ADAMTS17: variants seen among roughly 807,000 people sequenced by gnomAD.
The protein encoded by ADAMTS17 is ADAM metallopeptidase with thrombospondin type 1 motif 17, also known as A disintegrin and metalloproteinase with thrombospondin motifs 17.
ADAMTS17 carries 113 observed loss-of-function variants against 141.5 expected under a neutral mutation model. The ratio of observed to expected loss-of-function variants is 0.80; its 90% CI spans 0.69 to 0.93. The LOEUF (loss-of-function observed/expected upper bound fraction) is 0.93. ADAMTS17 is among the 40% of genes least tolerant of loss of function. The probability of loss-of-function intolerance (pLI) is 0.00; values close to 1 mark genes in which losing one functional copy is unlikely to be tolerated. For missense variants in ADAMTS17, 1,659 were observed against 1,517.9 expected, an observed-to-expected ratio of 1.09 and a Z score of -1.54; for synonymous variants, 768 against 630.6, an observed-to-expected ratio of 1.22 and a Z score of -3.27.
intron 14 of ADAMTS17, among the ~76,000 whole-genome samples, chr15:100,098,046 T>C (rs1315937041): frequency 1.3e-5 from 2 of 152,136 alleles, no homozygotes; most frequent in Non-Finnish European, 2.9e-5. Context: ...GAATAAAAGA[T>C]CAAACTTGTT....
intron 7 of ADAMTS17, among the ~76,000 whole-genome samples, chr15:100,220,138 G>C (rs567018008): frequency 4.6e-5 from 7 of 152,148 alleles, no homozygotes; most frequent in African/African-American, 7.2e-5. Context: ...GCATGAACCT[G>C]AAAGTCTGGC....
intron 7 of ADAMTS17, among the ~76,000 whole-genome samples, chr15:100,250,519 G>C (rs987181591): frequency 2.6e-5 from 4 of 152,158 alleles, no homozygotes; most frequent in Admixed American, 6.5e-5. Context: ...ATGGAATACA[G>C]ATAAATGGGT....
At chr15:100,175,061 G>A (rs960940154) in intron 8 of ADAMTS17, among the ~76,000 whole-genome samples, 10 of 152,080 alleles carry the variant, frequency 6.6e-5, no homozygotes, top group African/African-American at 1.4e-4. Context: ...AGTCCTGCCC[G>A]CCAACTCACC....
chr15:100,167,358 A>C (rs2039989586), intron 8 of ADAMTS17, among the ~76,000 whole-genome samples: 1 of 152,174 alleles, frequency 6.6e-6, no homozygotes, highest in South Asian at 2.1e-4. Flanking sequence ...CAGAAAAGGG[A>C]GCCCTTTGCC....
chr15:100,124,758 T>C (rs762049721), intron 12 of ADAMTS17, among the ~76,000 whole-genome samples: 17 of 148,394 alleles, frequency 1.1e-4, no homozygotes, highest in Non-Finnish European at 2.4e-4. Flanking sequence ...TAGAGAGGCT[T>C]TGGTGAGAAA....
In ADAMTS17 at chr15:100,070,708, C is replaced by G. The variant is rs572281884; in HGVS notation, c.2138-16654G>C. ...TTTGACACCAACGAGAACAAAGACA[C>G]AACATACCAGAATCTCTGGGACACA... On this transcript the variant is annotated intron_variant, in intron 15 of 21. Coordinates refer to ENST00000268070, the MANE Select transcript of ADAMTS17 (RefSeq NM_139057.4). Among the ~76,000 whole-genome samples, 101 of 149,722 alleles carry G rather than the reference C, an allele frequency of 6.7e-4. 5 individuals carry two copies. Among genetic ancestry groups the G allele is most frequent in the African/African-American group, 2.4e-3 (99 of 40,522 alleles).
rs533152053 is a variant in ADAMTS17, at chr15:100,179,327, G to A, written c.1181+19991C>T. On this transcript the variant is annotated intron_variant, in intron 8 of 21. Transcript: ENST00000268070. ...CAAATAAGTAGAACATGTGAAGTTC[G>A]TATTTCTGTGCCTGGCTTATTATGA... is the stretch of plus-strand genomic sequence containing the variant. Among the ~76,000 whole-genome samples, 29 of 152,220 alleles carry A rather than the reference G, an allele frequency of 1.9e-4. No homozygotes were observed. In the South Asian group the frequency reaches 4.2e-3, roughly 22 times the overall value.
intron 19 of ADAMTS17, among the ~76,000 whole-genome samples, chr15:99,995,294 T>TCC (rs2060777413): frequency 6.6e-6 from 1 of 152,204 alleles, no homozygotes; most frequent in African/African-American, 2.4e-5. Context: ...CATGCACCAT[T>TCC]TCTGCCTAAG....
chr15:100,141,606 T>C (rs538795662), intron 10 of ADAMTS17, among the ~76,000 whole-genome samples: 126 of 152,246 alleles, frequency 8.3e-4, no homozygotes, highest in African/African-American at 2.6e-3. Context: ...TCCTGAGTCC[T>C]GGGAGGGCCA....
chr15:100,101,439 G>A (rs1413922915), intron 14 of ADAMTS17, among the ~76,000 whole-genome samples: 1 of 152,212 alleles, frequency 6.6e-6, no homozygotes, highest in Non-Finnish European at 1.5e-5. Context: ...AATACCTGAT[G>A]CAGGAATAAA....
chr15:100,314,124 C>T (rs1297771507), intron 3 of ADAMTS17, among the ~76,000 whole-genome samples: 2 of 152,198 alleles, frequency 1.3e-5, no homozygotes, highest in African/African-American at 4.8e-5. Flanking sequence ...TACAAAATAA[C>T]TAGTCTATAC....
At chr15:100,240,189 T>G (rs2042787817) in intron 7 of ADAMTS17, among the ~76,000 whole-genome samples, 1 of 152,176 alleles carries the variant, frequency 6.6e-6, no homozygotes. Context: ...TAATGGAGAC[T>G]GGGAAGCTGC....
At chr15:100,199,751 C>G (rs1436767250) in intron 7 of ADAMTS17, among the ~76,000 whole-genome samples, 1 of 152,170 alleles carries the variant, frequency 6.6e-6, no homozygotes, top group Non-Finnish European at 1.5e-5. Flanking sequence ...CCAAGGTCAC[C>G]TGGATGGGCA....
intron 18 of ADAMTS17, among the ~76,000 whole-genome samples, chr15:100,035,376 C>T (rs1045845755): frequency 6.6e-6 from 1 of 152,140 alleles, no homozygotes; most frequent in African/African-American, 2.4e-5. Context: ...TGGAGTATTT[C>T]CAGAGTACAT....
At chr15:100,171,988 G>A (rs2040178107) in intron 8 of ADAMTS17, among the ~76,000 whole-genome samples, 2 of 152,172 alleles carry the variant, frequency 1.3e-5, no homozygotes, top group Non-Finnish European at 2.9e-5. Context: ...TAAGAAATCA[G>A]AGGCAAGCAG....
intron 12 of ADAMTS17, among the ~76,000 whole-genome samples, chr15:100,125,551 G>A (rs930065398): frequency 5.3e-5 from 8 of 152,114 alleles, no homozygotes; most frequent in African/African-American, 1.9e-4. Context: ...TGCACCTGCT[G>A]GGATGCAGCT....
intron 3 of ADAMTS17, among the ~76,000 whole-genome samples, chr15:100,316,977 C>T (rs1045730908): frequency 1.4e-4 from 21 of 152,202 alleles, no homozygotes; most frequent in African/African-American, 3.6e-4. Context: ...AGGCTCCACA[C>T]GGTCATACAG....
chr15:100,244,538 C>T (rs993488502), intron 7 of ADAMTS17, among the ~76,000 whole-genome samples: 6 of 151,694 alleles, frequency 4.0e-5, no homozygotes, highest in East Asian at 2.0e-4. Flanking sequence ...CTGGTGATAG[C>T]GAATAAGTCT....
At chr15:100,029,816 A>G (rs1418039767) in intron 18 of ADAMTS17, among the ~76,000 whole-genome samples, 1 of 152,160 alleles carries the variant, frequency 6.6e-6, no homozygotes, top group African/African-American at 2.4e-5. Context: ...ATGTCAAGGG[A>G]CCTTCGTTAC....
Sources: allele counts gnomAD v4.1 joint callset (sites outside exome capture counted in the v4.1 genomes callset), GRCh38; gene constraint gnomAD v4.1.1; transcripts MANE v1.5; gene names NCBI Gene and HGNC (gene_info 2026-07-23, HGNC 2026-07-21).